The following ZNF704 variants were observed in gnomAD, a reference collection of about 807,000 sequenced individuals.
ZNF704 encodes the protein zinc finger protein 704.
A neutral mutation model predicts 44.7 loss-of-function variants in ZNF704; 10 were observed. The observed-to-expected ratio is 0.22, with a 90% CI of 0.14 to 0.38. ZNF704 has a LOEUF of 0.38. Among genes scored for constraint, ZNF704 ranks in the 10% least tolerant of loss-of-function variants. The pLI is 1.00. For synonymous variants in ZNF704, 211 were observed against 207.6 expected (o/e 1.02, Z -0.14); for missense variants, 390 against 545.5 (o/e 0.71, Z 2.84).
rs547186907 is a variant in ZNF704, at chr8:80,777,988, C to T, written c.221+43386G>A. ...ACAAGGGCGTTTTTTGTAACCACAA[C>T]GCCATTACTGTATTCAATACTATTA... On this transcript the variant is annotated intron_variant, in intron 2 of 8. Transcript: ENST00000327835. Among the ~76,000 whole-genome samples, 8 of 151,962 alleles carry T rather than the reference C, an allele frequency of 5.3e-5. No homozygotes were observed. The East Asian group carries it at 7.7e-4, about 15-fold the overall frequency.
chr8:80,659,335 T>A (rs1218818862), intron 7 of ZNF704, among the ~76,000 whole-genome samples: 1 of 152,184 alleles, frequency 6.6e-6, no homozygotes, highest in Admixed American at 6.5e-5. Context: ...ACACAAAAAA[T>A]CTTGATATAT....
At chr8:80,678,041 C>A (rs372479864) in intron 4 of ZNF704, among the ~76,000 whole-genome samples, 1 of 152,190 alleles carries the variant, frequency 6.6e-6, no homozygotes, top group Non-Finnish European at 1.5e-5. Flanking sequence ...TCGTACATTT[C>A]TCTTCCAATC....
At chr8:80,807,468 G>C (rs1480077919) in intron 2 of ZNF704, among the ~76,000 whole-genome samples, 1 of 151,966 alleles carries the variant, frequency 6.6e-6, no homozygotes, top group Non-Finnish European at 1.5e-5. Context: ...TAGAACATAA[G>C]CCTTGGGACA....
At chr8:80,805,708 T>C (rs1054779548) in intron 2 of ZNF704, among the ~76,000 whole-genome samples, 1 of 152,168 alleles carries the variant, frequency 6.6e-6, no homozygotes, top group Admixed American at 6.5e-5. Flanking sequence ...AAATTAAGCA[T>C]CACATTTTCC....
At chr8:80,731,665 T>A (rs1806583894) in intron 2 of ZNF704, among the ~76,000 whole-genome samples, 1 of 152,140 alleles carries the variant, frequency 6.6e-6, no homozygotes, top group African/African-American at 2.4e-5. Flanking sequence ...CTTGGAAGGC[T>A]GAGGCAGGAC....
chr8:80,836,363 C>T (rs1808582760), intron 1 of ZNF704, among the ~76,000 whole-genome samples: 1 of 152,174 alleles, frequency 6.6e-6, no homozygotes. Context: ...TGCTTCCTCA[C>T]CCTTTTCAGT....
chr8:80,835,363 C>T (rs1808541574), intron 1 of ZNF704, among the ~76,000 whole-genome samples: 1 of 152,142 alleles, frequency 6.6e-6, no homozygotes, highest in Non-Finnish European at 1.5e-5. Context: ...AGGTTAAGAA[C>T]TTGTCTTGAA....
chr8:80,836,558 A>T (rs528080458), intron 1 of ZNF704, among the ~76,000 whole-genome samples: 9 of 152,222 alleles, frequency 5.9e-5, no homozygotes, highest in African/African-American at 2.2e-4. Context: ...CAGGTGGATC[A>T]CTTGAGCTCA....
At chr8:80,870,781 T>C (rs972114296) in intron 1 of ZNF704, among the ~76,000 whole-genome samples, 6 of 152,116 alleles carry the variant, frequency 3.9e-5, no homozygotes, top group African/African-American at 9.7e-5. Context: ...ATTAACATAC[T>C]GATGTCGCTC....
Position 80,805,110 on chromosome 8 carries a change from T to TC in ZNF704, c.221+16263_221+16264insG, listed in dbSNP as rs140935488. 2.3e-3 allele frequency among the ~76,000 whole-genome samples: 352 copies of TC among 152,330 alleles called. 3 individuals carry two copies. In the East Asian group the frequency reaches 0.033, roughly 14 times the overall value. The stretch of plus-strand genomic sequence containing the variant: ...TCTTACCCCTGAAGTAGGCAAGGAC[T>TC]AGGTACATAAAACCTTACCTTTCAT... On this transcript the variant is annotated intron_variant, in intron 2 of 8. Transcript: ENST00000327835.
chr8:80,761,210 A>G (rs1425142465), intron 2 of ZNF704, among the ~76,000 whole-genome samples: 2 of 152,144 alleles, frequency 1.3e-5, no homozygotes, highest in African/African-American at 4.8e-5. Flanking sequence ...TTCACCAGAT[A>G]CCAAATGCCG....
chr8:80,877,700 G>T (rs1347376336), upstream of ZNF704, among the ~76,000 whole-genome samples: 1 of 152,166 alleles, frequency 6.6e-6, no homozygotes, highest in African/African-American at 2.4e-5. Flanking sequence ...ATTCTGCATG[G>T]ATTTGTTGAG....
At chr8:80,672,216 G>T (rs751439248) in intron 4 of ZNF704, among the ~76,000 whole-genome samples, 3 of 152,148 alleles carry the variant, frequency 2.0e-5, no homozygotes, top group Non-Finnish European at 2.9e-5. Flanking sequence ...ACCACAATGA[G>T]ATACCATCTC....
At chr8:80,765,327 G>A (rs1563545789) in intron 2 of ZNF704, among the ~76,000 whole-genome samples, 1 of 151,994 alleles carries the variant, frequency 6.6e-6, no homozygotes, top group East Asian at 1.9e-4. Context: ...GGTCCACTCC[G>A]ACTCACTCAC....
chr8:80,656,983 A>G (rs1201363033), intron 7 of ZNF704, among the ~76,000 whole-genome samples: 1 of 152,152 alleles, frequency 6.6e-6, no homozygotes, highest in East Asian at 1.9e-4. Flanking sequence ...AAACCCTATT[A>G]CACCAATTTA....
chr8:80,652,236 C>T (rs1817934126), intron 7 of ZNF704, among the ~76,000 whole-genome samples: 2 of 151,524 alleles, frequency 1.3e-5, no homozygotes, highest in Admixed American at 1.3e-4. Context: ...AAATTGACAC[C>T]CTAACATCAC....
chr8:80,817,514 C>T (rs1448613690), intron 2 of ZNF704, among the ~76,000 whole-genome samples: 2 of 152,206 alleles, frequency 1.3e-5, no homozygotes, highest in African/African-American at 4.8e-5. Flanking sequence ...CTGTCCTTGC[C>T]CCTCCTGTCC....
At chr8:80,664,272 A>G (rs1818150364) in intron 6 of ZNF704, among the ~76,000 whole-genome samples, 1 of 126,690 alleles carries the variant, frequency 7.9e-6, no homozygotes, top group South Asian at 2.5e-4. Context: ...AACATTAGGG[A>G]TTTTTTTTTT....
intron 1 of ZNF704, among the ~76,000 whole-genome samples, chr8:80,855,335 G>A (rs567878773): frequency 2.2e-5 from 3 of 137,984 alleles, no homozygotes; most frequent in African/African-American, 5.3e-5. Flanking sequence ...ATTGTTATCC[G>A]GTTCTTGTCT....
Sources: gnomAD v4.1 joint callset for allele counts (sites outside exome capture counted in the v4.1 genomes callset) on GRCh38, gnomAD v4.1.1 for gene constraint, MANE v1.5 for transcripts, NCBI Gene and HGNC (gene_info 2026-07-23, HGNC 2026-07-21) for gene names.